Variants in TYROBP observed in about 807,000 individuals in gnomAD.
The protein encoded by TYROBP is TYRO protein tyrosine kinase-binding protein.
In TYROBP, 14 loss-of-function variants were observed where a neutral mutation model predicts 17.1. That is an observed-to-expected ratio of 0.82 (90% CI 0.54 to 1.28). The LOEUF (loss-of-function observed/expected upper bound fraction) is 1.28, where lower values mean the gene tolerates loss of function less well. Ranked by LOEUF, TYROBP falls within the 50% of genes most tolerant of loss-of-function variation. The pLI, the probability that TYROBP is intolerant of heterozygous loss-of-function variation, is 0.00. For synonymous variants in TYROBP, 73 were observed against 67.4 expected (o/e 1.08, Z -0.41); for missense variants, 161 against 151.4 (o/e 1.06, Z -0.33).
chr19:35,908,129 C>G, intron 1 of TYROBP, 39 bp downstream of exon 1: 1 of 1,596,942 alleles, frequency 6.3e-7, no homozygotes, highest in Non-Finnish European at 8.6e-7. Flanking sequence ...AAGCTGAGCC[C>G]AGGGACCCGG....
intron 4 of TYROBP, 59 bp from the exon 5 acceptor site, chr19:35,904,693 C>T: frequency 3.2e-6 from 5 of 1,540,450 alleles, no homozygotes; most frequent in Non-Finnish European, 4.4e-6. Flanking sequence ...AGCCTTCTCC[C>T]AGTGGCCTGC....
chr19:35,908,185 A>G lies in TYROBP; in HGVS notation c.44T>C (p.Leu15Pro), dbSNP rs1039895101. 1 of 1,613,952 alleles carries G rather than the reference A, an allele frequency of 6.2e-7. No individual in the cohort carries two copies. The highest frequency in any genetic ancestry group is 8.5e-7 in the Non-Finnish European group (1 of 1,179,964). The stretch of plus-strand genomic sequence containing the variant: ...TAACTCACCACTTACAGCCAGCAGG[A>G]GAGGCAGGAGCAGGAGCCTGCTGCA... Reference protein sequence around the residue: ...EPCSRLLLLPLLLAVSGLRPV... With the variant: ...EPCSRLLLLPPLLAVSGLRPV... The change falls in exon 1 of 5, where the codon CTC becomes CCC. Residue 15 changes from leucine (L) to proline (P), a missense_variant. Leu to Pro is a moderately conservative substitution (Grantham distance 98). Transcript: ENST00000262629.
At position 35,904,486 on chromosome 19, in the gene TYROBP, G is replaced by A. The variant is rs14715; in HGVS notation, c.*83C>T. ...ATGGCACTCTGTGGGTCTGTATCGCGGTAGGAGTTGGAATGAGGTGCAGGG... is the reference window on the plus strand; with the variant it reads ...ATGGCACTCTGTGGGTCTGTATCGCAGTAGGAGTTGGAATGAGGTGCAGGG... On this transcript the variant is annotated 3_prime_UTR_variant, in exon 5 of 5. Transcript: ENST00000262629. 3,444 of 1,392,450 alleles carry A rather than the reference G, an allele frequency of 2.5e-3. 44 individuals carry two copies. The African/African-American group carries it at 0.034, about 14-fold the overall frequency. The allele number at this position is 1,392,450 out of a possible 1,614,324, so 86.3% of individuals were successfully genotyped here.
At position 35,907,224 on chromosome 19, in the gene TYROBP, A is replaced by C. The variant is rs773594217; in HGVS notation, c.270T>G (p.Pro90=). The part of the protein sequence containing the change: ...RKQRITETES[P]YQELQGQRSD... ...GACAGTCTGGTTTTCTCACCTGATAAGGCGACTCGGTCTCAGTGATACGCT... is the reference window on the plus strand; with the variant it reads ...GACAGTCTGGTTTTCTCACCTGATACGGCGACTCGGTCTCAGTGATACGCT... The change falls in exon 4 of 5, where the codon CCT becomes CCG. Residue 90 remains proline, a synonymous_variant. Transcript: ENST00000262629. The C allele has an allele frequency of 6.2e-7, 1 of 1,603,176 alleles. No homozygotes were observed. The highest frequency in any genetic ancestry group is 8.5e-7 in the Non-Finnish European group (1 of 1,175,326).
chr19:35,907,427 C>G lies in TYROBP; in HGVS notation c.229+19G>C. 1 of 1,612,078 alleles carries G rather than the reference C, an allele frequency of 6.2e-7. No homozygotes were observed. Among genetic ancestry groups the G allele is most frequent in the Non-Finnish European group, 8.5e-7 (1 of 1,178,860 alleles). ...CATCTAGGCAAGTCCTCAGGATGTC[C>G]CCTGCTAGCCCCACTCACCCTCCGC... is the stretch of plus-strand genomic sequence containing the variant. On this transcript the variant is annotated intron_variant, in intron 3 of 4. Coordinates refer to ENST00000262629, the MANE Select transcript of TYROBP (RefSeq NM_003332.4).
Position 35,907,257 on chromosome 19 carries a change from G to A in TYROBP, c.237C>T (p.Thr79=), listed in dbSNP as rs1599640703. The part of the protein sequence containing the change: ...PRGRGAAEAA[T]RKQRITETES... ...CGGTCTCAGTGATACGCTGTTTCCGGGTCGCTGCTGGAGGTGAGGGGTGTT... is the reference window on the plus strand; with the variant it reads ...CGGTCTCAGTGATACGCTGTTTCCGAGTCGCTGCTGGAGGTGAGGGGTGTT... The change falls in exon 4 of 5, where the codon ACC becomes ACT. Residue 79 remains threonine (T), a synonymous_variant. Coordinates refer to ENST00000262629, the MANE Select transcript of TYROBP (RefSeq NM_003332.4). The A allele has an allele frequency of 6.2e-7, 1 of 1,609,678 alleles. No individual in the cohort carries two copies. The highest frequency in any genetic ancestry group is 1.7e-5 in the Admixed American group (1 of 58,798).
In TYROBP at chr19:35,904,601, C is replaced by T. The variant is rs377005575; in HGVS notation, c.310G>A (p.Asp104Asn). ...TAATACGGCCTCTGTGTGTTGAGGT[C>T]GCTGTAGACATCCGACCTCTGACCC... is the stretch of plus-strand genomic sequence containing the variant. ...LQGQRSDVYS[D>N]LNTQRPYYK Residue 104 changes from aspartate (D) to asparagine (N), a missense_variant, in exon 5 of 5, where the codon GAC (aspartate) becomes AAC (asparagine). By Grantham distance (23) the Asp-to-Asn change is conservative. Coordinates refer to ENST00000262629, the MANE Select transcript of TYROBP (RefSeq NM_003332.4). 6.3e-5 allele frequency: 102 copies of T among 1,613,494 alleles called. No individual in the cohort carries two copies. The African/African-American group carries it at 7.7e-4, about 12-fold the overall frequency.
chr19:35,904,696 T>G, intron 4 of TYROBP, 62 bp from the exon 5 acceptor site: 3 of 1,514,368 alleles, frequency 2.0e-6, no homozygotes, highest in Non-Finnish European at 2.7e-6. Context: ...CTTCTCCCAG[T>G]GGCCTGCAAG....
Position 35,907,547 on chromosome 19 carries a change from AGCACGCCC to A in TYROBP, c.120_127del (p.Val42ArgfsTer42). On this transcript the variant is annotated frameshift_variant, in exon 3 of 5. Transcript: ENST00000262629. LOFTEE classifies it high-confidence loss of function. Reference sequence around the variant, plus strand: ...CAGGTCTCCCATCACGATCCCTGCCAGCACGCCCGGGCTCACCGTAGAGCAACTGCAAT... The same window carrying A: ...CAGGTCTCCCATCACGATCCCTGCCAGGGCTCACCGTAGAGCAACTGCAAT... The A allele has an allele frequency of 6.2e-7, 1 of 1,613,886 alleles. No individual in the cohort carries two copies. The highest frequency in any genetic ancestry group is 8.5e-7 in the Non-Finnish European group (1 of 1,179,830).
intron 4 of TYROBP, among the ~76,000 whole-genome samples, chr19:35,904,892 C>T (rs138731084): frequency 1.3e-3 from 194 of 151,822 alleles, no homozygotes; most frequent in African/African-American, 4.5e-3. Flanking sequence ...TCTCAGCTCA[C>T]GTCACCTCCT....
Position 35,907,490 on chromosome 19 carries a change from T to G in TYROBP, c.185A>C (p.Tyr62Ser). 1 of 1,613,588 alleles carries G rather than the reference T, an allele frequency of 6.2e-7. No homozygotes were observed. The change falls in exon 3 of 5, where the codon TAC becomes TCC. Residue 62 changes from tyrosine (Y) to serine (S), a missense_variant. Tyr to Ser is a moderately radical substitution (Grantham distance 144). Transcript: ENST00000262629. The stretch of plus-strand genomic sequence containing the variant: ...CCGAGGGACCAGCCGGCCCAGGAAG[T>G]ACACGGCCAGGGCAATGAGCACTGT... ...VLTVLIALAV[Y>S]FLGRLVPRGR...
chr19:35,908,206 C>T lies in TYROBP; in HGVS notation c.23G>A (p.Ser8Asn), dbSNP rs1456694741. The part of the protein sequence containing the change: MGGLEPC[S>N]RLLLLPLLLA... Reference sequence around the variant, plus strand: ...CAGGAGAGGCAGGAGCAGGAGCCTGCTGCAGGGTTCAAGTCCCCCCATGAA... The same window carrying T: ...CAGGAGAGGCAGGAGCAGGAGCCTGTTGCAGGGTTCAAGTCCCCCCATGAA... Residue 8 changes from serine (S) to asparagine (N), a missense_variant, in exon 1 of 5, where the codon AGC (serine) becomes AAC (asparagine). Physicochemically the swap from Ser to Asn is conservative, Grantham distance 46. Transcript: ENST00000262629. The T allele has an allele frequency of 4.3e-6, 7 of 1,613,982 alleles. No individual in the cohort carries two copies. The Admixed American group carries it at 5.0e-5, about 12-fold the overall frequency.
chr19:35,908,223 C>G lies in TYROBP; in HGVS notation c.6G>C (p.Gly2=). Residue 2 remains glycine (G), a synonymous_variant, in exon 1 of 5, where the codon GGG becomes GGC. Coordinates refer to ENST00000262629, the MANE Select transcript of TYROBP (RefSeq NM_003332.4). ...GGAGCCTGCTGCAGGGTTCAAGTCC[C>G]CCCATGAAGCCGGATGCTGCTGGAC... M[G]GLEPCSRLLL... 6.2e-7 allele frequency: 1 copy of G among 1,613,962 alleles called. No homozygotes were observed.
At chr19:35,906,234 G>A (rs1464763476) in intron 4 of TYROBP, among the ~76,000 whole-genome samples, 1 of 151,584 alleles carries the variant, frequency 6.6e-6, no homozygotes, top group Non-Finnish European at 1.5e-5. Context: ...GGAATTACAG[G>A]CGCATGACAC....
At chr19:35,907,071 T>G in intron 4 of TYROBP, 147 bp downstream of exon 4, 1 of 814,840 alleles carries the variant, frequency 1.2e-6, no homozygotes, top group Non-Finnish European at 2.1e-6. Flanking sequence ...TTCGGCCCAG[T>G]TTTGGACAGA....
At chr19:35,905,215 T>C (rs1043633098) in intron 4 of TYROBP, among the ~76,000 whole-genome samples, 1 of 152,306 alleles carries the variant, frequency 6.6e-6, no homozygotes, top group East Asian at 1.9e-4. Context: ...GAGCCAAACC[T>C]GAGATTCTTA....
At chr19:35,907,413 G>A (rs1975752580) in intron 3 of TYROBP, 33 bp downstream of exon 3, 1 of 1,361,430 alleles carries the variant, frequency 7.3e-7, no homozygotes, top group Non-Finnish European at 1.1e-6. Flanking sequence ...ATCTAGGCAA[G>A]TCCTCAGGAT....
intron 4 of TYROBP, 99 bp downstream of exon 4, chr19:35,907,119 C>T: frequency 1.6e-6 from 2 of 1,234,080 alleles, no homozygotes; most frequent in Non-Finnish European, 2.3e-6. Context: ...GTGCTTTAGG[C>T]AGAGTGGCTT....
chr19:35,908,140 G>A (rs1368257916), intron 1 of TYROBP, 28 bp downstream of exon 1: 4 of 1,609,640 alleles, frequency 2.5e-6, no homozygotes, highest in Non-Finnish European at 3.4e-6. Context: ...AGGGACCCGG[G>A]AGGCAGCCAC....
Sources: gnomAD v4.1 joint callset for allele counts (sites outside exome capture counted in the v4.1 genomes callset) on GRCh38, gnomAD v4.1.1 for gene constraint, MANE v1.5 for transcripts, NCBI Gene and HGNC (gene_info 2026-07-23, HGNC 2026-07-21) for gene names.